The following FANCD2 variants were observed in gnomAD, a reference collection of about 807,000 sequenced individuals.
FANCD2 encodes the protein Fanconi anemia group D2 protein.
FANCD2 carries 131 observed loss-of-function variants against 192.3 expected under a neutral mutation model. That is an observed-to-expected ratio of 0.68 (90% CI 0.59 to 0.79). FANCD2 has a LOEUF of 0.79. Among genes scored for constraint, FANCD2 ranks in the 30% least tolerant of loss-of-function variants. The pLI, the probability that FANCD2 is intolerant of heterozygous loss-of-function variation, is 0.00. For missense variants in FANCD2, 1,508 were observed against 1,701.6 expected, an observed-to-expected ratio of 0.89 and a Z score of 2.00; for synonymous variants, 524 against 612.5, an observed-to-expected ratio of 0.86 and a Z score of 2.13.
At chr3:10,093,720 G>A (rs886295910) in intron 39 of FANCD2, among the ~76,000 whole-genome samples, 7 of 152,144 alleles carry the variant, frequency 4.6e-5, no homozygotes, top group Non-Finnish European at 2.9e-5. Flanking sequence ...TCTCTTTTGT[G>A]GGAATAGCCT....
chr3:10,048,896 T>G (rs1173370696), intron 16 of FANCD2, among the ~76,000 whole-genome samples: 1 of 152,294 alleles, frequency 6.6e-6, no homozygotes, highest in Non-Finnish European at 1.5e-5. Flanking sequence ...GAATGGCATC[T>G]AAGACATTTC....
In FANCD2 at chr3:10,065,812, A is replaced by G. The variant is rs1437450454; in HGVS notation, c.2270-52A>G. On this transcript the variant is annotated intron_variant, in intron 24 of 43. Coordinates refer to ENST00000675286, the MANE Select transcript of FANCD2 (RefSeq NM_001018115.3). Reference sequence around the variant, plus strand: ...ACAGCTAGCTCCAGAGGCAACCTCCAGGTTTTATTGGCTTGCACTAAAGGT... The same window carrying G: ...ACAGCTAGCTCCAGAGGCAACCTCCGGGTTTTATTGGCTTGCACTAAAGGT... 170 of 1,173,008 alleles carry G rather than the reference A, an allele frequency of 1.4e-4. 3 individuals are homozygous for G. In the South Asian group the frequency reaches 1.8e-3, roughly 12 times the overall value. 72.7% of individuals were successfully genotyped at this position (1,173,008 alleles called of 1,614,324 possible).
At chr3:10,095,054 A>G (rs950267415) in intron 40 of FANCD2, 146 bp from the exon 41 acceptor site, 17 of 707,294 alleles carry the variant, frequency 2.4e-5, no homozygotes, top group Admixed American at 4.1e-5. Flanking sequence ...TATTCCTCCT[A>G]TTTGAGAGGC....
chr3:10,069,684 C>G (rs1329466794), intron 26 of FANCD2, among the ~76,000 whole-genome samples: 1 of 152,148 alleles, frequency 6.6e-6, no homozygotes, highest in Non-Finnish European at 1.5e-5. Flanking sequence ...GGCCGGTCTC[C>G]AGCTCCTAAC....
At chr3:10,076,814 C>T (rs1186834064) in intron 29 of FANCD2, among the ~76,000 whole-genome samples, 3 of 152,176 alleles carry the variant, frequency 2.0e-5, no homozygotes, top group Non-Finnish European at 2.9e-5. Context: ...CAGCCTCTGC[C>T]TCCTGAGCTC....
intron 26 of FANCD2, among the ~76,000 whole-genome samples, chr3:10,071,687 T>C (rs1417537286): frequency 6.6e-6 from 1 of 152,080 alleles, no homozygotes; most frequent in African/African-American, 2.4e-5. Flanking sequence ...AGGGTAATGG[T>C]GGTTGGGGGA....
At chr3:10,064,196 A>T (rs2347581) in intron 21 of FANCD2, among the ~76,000 whole-genome samples, 160 bp from the exon 22 acceptor site, 1 of 151,690 alleles carries the variant, frequency 6.6e-6, no homozygotes, top group Non-Finnish European at 1.5e-5. Context: ...AGTGCTTTTT[A>T]TGCACTCTCT....
chr3:10,070,561 C>G lies in FANCD2; in HGVS notation c.2495-2310C>G, dbSNP rs1287665754. Among the ~76,000 whole-genome samples, 26 of 144,454 alleles carry G rather than the reference C, an allele frequency of 1.8e-4. No individual in the cohort carries two copies. The East Asian group carries it at 5.4e-3, about 30-fold the overall frequency. The allele number at this position is 144,454 out of a possible 152,430, so 94.8% of individuals were successfully genotyped here. A position where few individuals can be genotyped will look rare whatever the true frequency, so the allele number is the denominator to read the frequency against. On this transcript the variant is annotated intron_variant, in intron 26 of 43. Coordinates refer to ENST00000675286, the MANE Select transcript of FANCD2 (RefSeq NM_001018115.3). ...CCCGTCCGGGAGGTGAGGGGCGCCT[C>G]TGCCCGGCCGCCCCTACTGGGAAGT... is the stretch of plus-strand genomic sequence containing the variant.
At chr3:10,062,290 C>A (rs2125030173) in intron 20 of FANCD2, 79 bp downstream of exon 20, 1 of 1,172,452 alleles carries the variant, frequency 8.5e-7, no homozygotes, top group Non-Finnish European at 1.2e-6. Context: ...ACCCAACCTG[C>A]AGTGCAGTGG....
At chr3:10,054,397 G>GTATA (rs1476712513) in intron 18 of FANCD2, among the ~76,000 whole-genome samples, 1 of 79,258 alleles carries the variant, frequency 1.3e-5, no homozygotes, top group African/African-American at 7.0e-5. Flanking sequence ...ATGTATATAC[G>GTATA]TATATGTATA....
chr3:10,081,029 C>G, intron 30 of FANCD2, 71 bp from the exon 31 acceptor site: 3 of 1,576,054 alleles, frequency 1.9e-6, no homozygotes, highest in South Asian at 1.1e-5. Flanking sequence ...TGACTTGACT[C>G]CATTGCGAAC....
chr3:10,052,366 T>G (rs35345250), intron 17 of FANCD2, 21 bp from the exon 18 acceptor site: 284 of 1,437,562 alleles, frequency 2.0e-4, no homozygotes, highest in Non-Finnish European at 2.6e-4. Flanking sequence ...AGCCTCATTG[T>G]TGGCATCATT....
rs766241610 is a variant in FANCD2 at position 10,034,707 on chromosome 3, T to C, written c.286T>C (p.Phe96Leu). The part of the protein sequence containing the change: ...HPSYPKIIEE[F>L]VSGLESYIED... ...AAATCTCCTTAAGATAATAGAAGAA[T>C]TTGTTAGTGGCCTGGAGTCTTACAT... Residue 96 changes from phenylalanine (F) to leucine (L), a missense_variant, in exon 5 of 44, where the codon TTT (phenylalanine) becomes CTT (leucine). Transcript: ENST00000675286. 1.9e-6 allele frequency: 3 copies of C among 1,564,364 alleles called. No individual in the cohort carries two copies. In the Admixed American group the frequency reaches 5.7e-5, roughly 30 times the overall value.
chr3:10,053,536 AAATAAAAT>A (rs1297143721), intron 18 of FANCD2, among the ~76,000 whole-genome samples: 2 of 149,610 alleles, frequency 1.3e-5, no homozygotes, highest in African/African-American at 5.0e-5. Flanking sequence ...ATAATAATAA[AAATAAAAT>A]AAAATAGAAT....
chr3:10,029,909 G>A (rs913766040), intron 2 of FANCD2, among the ~76,000 whole-genome samples: 10 of 150,138 alleles, frequency 6.7e-5, no homozygotes, highest in African/African-American at 2.2e-4. Context: ...TCAGTCTCCC[G>A]AGTAGCTGGG....
At chr3:10,031,497 A>G (rs34989998) in intron 2 of FANCD2, among the ~76,000 whole-genome samples, 25,009 of 146,374 alleles carry the variant, frequency 0.17, 2,330 homozygotes, top group African/African-American at 0.24. Context: ...GCAAGACTCC[A>G]TTTCAAAAAA....
chr3:10,092,920 G>T (rs1694740066), intron 38 of FANCD2, among the ~76,000 whole-genome samples: 1 of 151,768 alleles, frequency 6.6e-6, no homozygotes, highest in African/African-American at 2.4e-5. Context: ...TCGAACTCCT[G>T]GGCTCAAGTG....
chr3:10,098,989 A>C, intron 43 of FANCD2, 174 bp downstream of exon 43: 2 of 1,613,894 alleles, frequency 1.2e-6, no homozygotes, highest in Non-Finnish European at 1.7e-6. Flanking sequence ...ACCCAGAAGA[A>C]ACAACGACAC....
At chr3:10,056,315 C>T (rs1030482298) in intron 18 of FANCD2, among the ~76,000 whole-genome samples, 2 of 152,040 alleles carry the variant, frequency 1.3e-5, no homozygotes, top group Non-Finnish European at 2.9e-5. Context: ...TCCCTGTTTT[C>T]AGTTTTTTAG....
Sources: gnomAD v4.1 joint callset for allele counts (sites outside exome capture counted in the v4.1 genomes callset) on GRCh38, gnomAD v4.1.1 for gene constraint, MANE v1.5 for transcripts, NCBI Gene and HGNC (gene_info 2026-07-23, HGNC 2026-07-21) for gene names.